Variants in ADORA2B observed in about 807,000 individuals in gnomAD.
The protein encoded by ADORA2B is adenosine receptor A2b.
In ADORA2B, 18 loss-of-function variants were observed where a neutral mutation model predicts 20.8. The ratio of observed to expected loss-of-function variants is 0.87; its 90% CI spans 0.60 to 1.29. The LOEUF (loss-of-function observed/expected upper bound fraction) is 1.29. Ranked by LOEUF, ADORA2B falls within the 50% of genes most tolerant of loss-of-function variation. ADORA2B has a pLI of 0.00. For missense variants in ADORA2B, 441 were observed against 422.7 expected, an observed-to-expected ratio of 1.04 and a Z score of -0.38; for synonymous variants, 179 against 178.3, an observed-to-expected ratio of 1.00 and a Z score of -0.03.
At chr17:15,947,812 C>T (rs1969828842) in intron 1 of ADORA2B, among the ~76,000 whole-genome samples, 1 of 152,240 alleles carries the variant, frequency 6.6e-6, no homozygotes, top group South Asian at 2.1e-4. Context: ...CCTGGTTGTA[C>T]TGAATCAGAA....
intron 1 of ADORA2B, among the ~76,000 whole-genome samples, chr17:15,951,212 G>A (rs143368856): frequency 4.6e-5 from 7 of 152,312 alleles, no homozygotes; most frequent in Non-Finnish European, 8.8e-5. Context: ...CAGGAAAACC[G>A]TCTTCTGAAA....
the ADORA2B span, among the ~76,000 whole-genome samples, chr17:15,852,174 T>A: frequency 2.6e-5 from 4 of 152,244 alleles, no homozygotes; most frequent in African/African-American, 9.6e-5. Context: ...GAACTTTCTT[T>A]GAAGTTATAT....
At chr17:15,965,061 AAAAC>A (rs147050441) in intron 1 of ADORA2B, among the ~76,000 whole-genome samples, 34,674 of 150,900 alleles carry the variant, frequency 0.23, 4,087 homozygotes, top group African/African-American at 0.3. Context: ...CTCTGTCTCA[AAAAC>A]AAACAAACAA....
At chr17:15,961,972 G>A (rs943935123) in intron 1 of ADORA2B, among the ~76,000 whole-genome samples, 3 of 152,124 alleles carry the variant, frequency 2.0e-5, no homozygotes, top group African/African-American at 7.2e-5. Context: ...ACTTCGGGGG[G>A]CACATTCAAA....
At chr17:15,938,377 A>C in the ADORA2B span, among the ~76,000 whole-genome samples, 1 of 152,188 alleles carries the variant, frequency 6.6e-6, no homozygotes, top group Non-Finnish European at 1.5e-5. Flanking sequence ...ATCTCGGCTC[A>C]CTGCAACCTC....
At chr17:15,861,688 C>T in the ADORA2B span, among the ~76,000 whole-genome samples, 1 of 152,162 alleles carries the variant, frequency 6.6e-6, no homozygotes, top group Non-Finnish European at 1.5e-5. Context: ...GACTGCAAGA[C>T]CAACAGGGTG....
the ADORA2B span, among the ~76,000 whole-genome samples, chr17:15,910,324 G>A: frequency 7.9e-5 from 12 of 151,272 alleles, no homozygotes; most frequent in Admixed American, 7.9e-4. Flanking sequence ...TTTAGACTGA[G>A]TTTTGCTGTT....
the ADORA2B span, among the ~76,000 whole-genome samples, chr17:15,917,788 G>A: frequency 6.6e-6 from 1 of 152,218 alleles, no homozygotes; most frequent in African/African-American, 2.4e-5. Flanking sequence ...GGCCTGGCGC[G>A]GGCAGGGGCG....
intron 1 of ADORA2B, among the ~76,000 whole-genome samples, chr17:15,946,672 G>T (rs1336303759): frequency 6.6e-6 from 1 of 152,196 alleles, no homozygotes; most frequent in East Asian, 1.9e-4. Context: ...CCAGAGGACG[G>T]GTGCTGTAAC....
rs528159952 is a variant in ADORA2B at position 15,962,596 on chromosome 17, A to G, written c.336-12083A>G. On this transcript the variant is annotated intron_variant, in intron 1 of 1. Transcript: ENST00000304222. ...GCCTGGGCTGGAGTGCAATGGCGCA[A>G]TCTCAGCTCACCGCAACCTCTGCCT... Among the ~76,000 whole-genome samples the G allele has an allele frequency of 6.6e-5, 10 of 152,192 alleles. No individual in the cohort carries two copies. The South Asian group carries it at 1.9e-3, about 28-fold the overall frequency.
chr17:15,940,506 T>C (rs1178749698), upstream of ADORA2B, among the ~76,000 whole-genome samples: 4 of 152,208 alleles, frequency 2.6e-5, no homozygotes, highest in African/African-American at 9.6e-5. Flanking sequence ...GAGAGTCAGC[T>C]GTTCTGAAAT....
chr17:15,926,639 A>G, the ADORA2B span, among the ~76,000 whole-genome samples: 1 of 152,094 alleles, frequency 6.6e-6, no homozygotes, highest in African/African-American at 2.4e-5. Flanking sequence ...CTCATGAGAG[A>G]TGGGTAGGGC....
the ADORA2B span, among the ~76,000 whole-genome samples, chr17:15,855,786 C>G: frequency 6.6e-6 from 1 of 152,020 alleles, no homozygotes; most frequent in Non-Finnish European, 1.5e-5. Context: ...TACAATTGAT[C>G]CCATCATTCG....
At chr17:15,881,399 C>G in the ADORA2B span, among the ~76,000 whole-genome samples, 1,679 of 152,332 alleles carry the variant, frequency 0.011, 31 homozygotes, top group African/African-American at 0.039. Context: ...CCACGCCCGG[C>G]CTCTTTATTT....
chr17:15,944,866 C>T (rs1278478692), upstream of ADORA2B: 1 of 159,336 alleles, frequency 6.3e-6, no homozygotes, highest in Admixed American at 6.5e-5. The surrounding 1 kb of genome is among the most constrained non-coding windows in gnomAD (Gnocchi z 4.8). Flanking sequence ...GACTGGAAGG[C>T]AGTGCGAGCA....
the ADORA2B span, among the ~76,000 whole-genome samples, chr17:15,879,369 C>T: frequency 7.2e-5 from 11 of 151,858 alleles, no homozygotes; most frequent in Admixed American, 2.0e-4. Context: ...GGGAGGATTG[C>T]TTGAGCCCAG....
In ADORA2B at chr17:15,974,924, C is replaced by T. The variant is rs1198008892; in HGVS notation, c.581C>T (p.Pro194Leu). 6.2e-7 allele frequency: 1 copy of T among 1,614,032 alleles called. No individual in the cohort carries two copies. The highest frequency in any genetic ancestry group is 8.5e-7 in the Non-Finnish European group (1 of 1,180,038). ...YFNFFGCVLP[P>L]LLIMLVIYIK... ...AATTTCTTTGGGTGTGTTCTGCCCC[C>T]ACTGCTTATAATGCTGGTGATCTAC... The change falls in exon 2 of 2, where the codon CCA becomes CTA. Residue 194 changes from proline (P) to leucine (L), a missense_variant. Pro to Leu is a moderately conservative substitution (Grantham distance 98). Coordinates refer to ENST00000304222, the MANE Select transcript of ADORA2B (RefSeq NM_000676.4).
At chr17:15,936,359 C>T in the ADORA2B span, among the ~76,000 whole-genome samples, 2 of 151,944 alleles carry the variant, frequency 1.3e-5, no homozygotes, top group Admixed American at 6.6e-5. Context: ...TCTCTTGTCA[C>T]CCAGGCTGGA....
In ADORA2B at chr17:15,974,955, G is replaced by C. The variant is rs773586294; in HGVS notation, c.612G>C (p.Lys204Asn). The change falls in exon 2 of 2, where the codon AAG becomes AAC. Residue 204 changes from lysine (K) to asparagine (N), a missense_variant. Physicochemically the swap from Lys to Asn is moderately conservative, Grantham distance 94. Coordinates refer to ENST00000304222, the MANE Select transcript of ADORA2B (RefSeq NM_000676.4). ...PLLIMLVIYI[K>N]IFLVACRQLQ... Reference sequence around the variant, plus strand: ...TTATAATGCTGGTGATCTACATTAAGATCTTCCTGGTGGCCTGCAGGCAGC... The same window carrying C: ...TTATAATGCTGGTGATCTACATTAACATCTTCCTGGTGGCCTGCAGGCAGC... 6.2e-7 allele frequency: 1 copy of C among 1,614,166 alleles called. No individual in the cohort carries two copies. Among genetic ancestry groups the C allele is most frequent in the South Asian group, 1.1e-5 (1 of 91,072 alleles).
Sources: allele counts gnomAD v4.1 joint callset (sites outside exome capture counted in the v4.1 genomes callset), GRCh38; gene constraint gnomAD v4.1.1; non-coding constraint Gnocchi (gnomAD v3.1); transcripts MANE v1.5; gene names NCBI Gene and HGNC (gene_info 2026-07-23, HGNC 2026-07-21).